RIIAD1: variants seen among roughly 807,000 people sequenced by gnomAD.
RIIAD1 encodes RIIa domain-containing protein 1.
In RIIAD1, 15 loss-of-function variants were observed where a neutral mutation model predicts 13.3. The ratio of observed to expected loss-of-function variants is 1.13; its 90% CI spans 0.76 to 1.74. RIIAD1 has a LOEUF of 1.74. RIIAD1 is among the 40% of genes most tolerant of loss of function. The pLI, the probability that RIIAD1 is intolerant of heterozygous loss-of-function variation, is 0.00. For missense variants in RIIAD1, 121 were observed against 112.2 expected, an observed-to-expected ratio of 1.08 and a Z score of -0.35; for synonymous variants, 50 against 43.3, an observed-to-expected ratio of 1.16 and a Z score of -0.61.
intron 2 of RIIAD1, among the ~76,000 whole-genome samples, chr1:151,712,350 C>A (rs1335904998): frequency 6.6e-6 from 1 of 152,206 alleles, no homozygotes; most frequent in African/African-American, 2.4e-5. Context: ...CCAAGAAGAC[C>A]TCACAGTTCT....
rs148515805 is a variant in RIIAD1, at chr1:151,725,950, A to G, written c.162-1625A>G. Among the ~76,000 whole-genome samples, 13 of 152,282 alleles carry G rather than the reference A, an allele frequency of 8.5e-5. No homozygotes were observed. The East Asian group carries it at 1.4e-3, about 16-fold the overall frequency. On this transcript the variant is annotated intron_variant, in intron 2 of 4. Transcript: ENST00000479191. ...CATTTCTGCTCATTCTGCTGACCCT[A>G]TGGAGCTCAGGCACAGATGCCTCTT...
intron 1 of RIIAD1, 133 bp downstream of exon 1, chr1:151,721,753 A>G (rs1398534256): frequency 5.6e-6 from 3 of 539,936 alleles, no homozygotes; most frequent in Non-Finnish European, 9.2e-6. Flanking sequence ...GGGAGGGCGC[A>G]GGGGAGACCC....
chr1:151,721,999 C>A, intron 1 of RIIAD1, 87 bp from the exon 2 acceptor site: 1 of 915,240 alleles, frequency 1.1e-6, no homozygotes, highest in Non-Finnish European at 1.7e-6. Flanking sequence ...TAAATGCGCA[C>A]GCCGTTTCCC....
intron 1 of RIIAD1, chr1:151,711,780 GA>G (rs984384616): frequency 2.0e-5 from 3 of 152,302 alleles, no homozygotes; most frequent in African/African-American, 7.2e-5. Context: ...AGGGTTGGGG[GA>G]TTCTTACGCT....
chr1:151,721,743 G>T (rs1673739944), intron 1 of RIIAD1, 123 bp downstream of exon 1: 2 of 560,336 alleles, frequency 3.6e-6, no homozygotes, highest in Non-Finnish European at 5.6e-6. Context: ...TGATAAAGTG[G>T]GGAGGGCGCA....
Position 151,721,666 on chromosome 1 carries a change from G to A in RIIAD1, c.84+46G>A, listed in dbSNP as rs777824580. ...ATCCAGCGTCCACCAAAGTGTAGCTGCCCCAGGACTGGGGCCCCAGACTGG... is the reference window on the plus strand; with the variant it reads ...ATCCAGCGTCCACCAAAGTGTAGCTACCCCAGGACTGGGGCCCCAGACTGG... On this transcript the variant is annotated intron_variant, in intron 1 of 4. Coordinates refer to ENST00000479191, the MANE Select transcript of RIIAD1 (RefSeq NM_001144956.3). The A allele has an allele frequency of 4.7e-5, 56 of 1,179,240 alleles. 1 individual carries two copies. In the African/African-American group the frequency reaches 8.5e-4, roughly 18 times the overall value. 73.0% of individuals were successfully genotyped at this position (1,179,240 alleles called of 1,614,324 possible). A position where few individuals can be genotyped will look rare whatever the true frequency, so the allele number is the denominator to read the frequency against.
chr1:151,713,605 C>T (rs41263702), intron 3 of RIIAD1: 54,473 of 152,012 alleles, frequency 0.36, 12,435 homozygotes, highest in Non-Finnish European at 0.52. Flanking sequence ...CCCAGGGATA[C>T]GTGTGCCCAA....
intron 1 of RIIAD1, chr1:151,721,835 T>C (rs1011817195): frequency 5.1e-6 from 3 of 583,128 alleles, no homozygotes; most frequent in Admixed American, 3.0e-5. Flanking sequence ...AAGAACTAAC[T>C]CAGGGACTCG....
chr1:151,716,032 A>G (rs1339108286), intron 4 of RIIAD1: 2 of 1,606,754 alleles, frequency 1.2e-6, no homozygotes, highest in Admixed American at 3.4e-5. Context: ...GAGGCGGCCC[A>G]GGAGGAGGGG....
intron 2 of RIIAD1, among the ~76,000 whole-genome samples, chr1:151,724,998 C>T (rs919670705): frequency 4.0e-5 from 6 of 150,534 alleles, no homozygotes; most frequent in African/African-American, 7.3e-5. Context: ...TTAGTAGAGA[C>T]GGGGTTTCAC....
chr1:151,728,912 T>C lies in RIIAD1; in HGVS notation c.*57+19T>C. 1 of 787,598 alleles carries C rather than the reference T, an allele frequency of 1.3e-6. No individual in the cohort carries two copies. Among genetic ancestry groups the C allele is most frequent in the South Asian group, 1.5e-5 (1 of 68,100 alleles). 48.8% of individuals were successfully genotyped at this position (787,598 alleles called of 1,614,324 possible). ...CCTCGGGGTGGGTGTTAACCTCACTTACAGACAGAGGCTTCTTTACTCTTG... is the reference window on the plus strand; with the variant it reads ...CCTCGGGGTGGGTGTTAACCTCACTCACAGACAGAGGCTTCTTTACTCTTG... On this transcript the variant is annotated intron_variant, in intron 4 of 4. Coordinates refer to ENST00000479191, the MANE Select transcript of RIIAD1 (RefSeq NM_001144956.3).
At chr1:151,715,711 A>G in intron 4 of RIIAD1, 1 of 1,556,606 alleles carries the variant, frequency 6.4e-7, no homozygotes, top group Non-Finnish European at 8.6e-7. Context: ...TTTCCTGATC[A>G]CTCTAGCTGA....
In RIIAD1 at chr1:151,721,585, AG is replaced by A; in HGVS notation, c.50del (p.Ser17ThrfsTer23). On this transcript the variant is annotated frameshift_variant, in exon 1 of 5. Coordinates refer to ENST00000479191, the MANE Select transcript of RIIAD1 (RefSeq NM_001144956.3). LOFTEE classifies it high-confidence loss of function. The stretch of plus-strand genomic sequence containing the variant: ...GCAGCGGCCCGACCCCGGGGCGCTT[AG>A]CGCAGCGCAGCTGGAGCAGCTGCGA... Reference protein sequence around the residue: ...LLQRPDPGALSAAQLEQLRKF... With the variant: ...LLQRPDPGALXAAQLEQLRKF... 7.6e-7 allele frequency: 1 copy of A among 1,309,158 alleles called. No homozygotes were observed. 81.1% of individuals were successfully genotyped at this position (1,309,158 alleles called of 1,614,324 possible). A position where few individuals can be genotyped will look rare whatever the true frequency, so the allele number is the denominator to read the frequency against.
intron 4 of RIIAD1, chr1:151,716,141 T>C (rs113733004): frequency 2.4e-5 from 25 of 1,057,940 alleles, no homozygotes; most frequent in Admixed American, 8.7e-5. Flanking sequence ...GCTTTCCCTT[T>C]GGCCCCCAAC....
At chr1:151,717,994 G>T (rs1673615827), upstream of RIIAD1, among the ~76,000 whole-genome samples, 5 of 151,954 alleles carry the variant, frequency 3.3e-5, no homozygotes, top group Admixed American at 3.3e-4. Flanking sequence ...GCTCAGCAAC[G>T]GGGGCTCTCC....
intron 2 of RIIAD1, 130 bp downstream of exon 2, chr1:151,722,292 T>C: frequency 1.5e-6 from 1 of 657,426 alleles, no homozygotes; most frequent in Non-Finnish European, 2.7e-6. Context: ...TAAGGATAAA[T>C]ACATACCTTA....
intron 2 of RIIAD1, among the ~76,000 whole-genome samples, chr1:151,722,748 C>G (rs934896371): frequency 6.6e-6 from 1 of 152,126 alleles, no homozygotes; most frequent in Non-Finnish European, 1.5e-5. Context: ...TGTGCTGTTC[C>G]CCTACATTAG....
At chr1:151,715,873 C>T in intron 4 of RIIAD1, 3 of 1,611,624 alleles carry the variant, frequency 1.9e-6, no homozygotes. Flanking sequence ...CCCGACCCCT[C>T]ACCCTTGTGC....
rs1264685521 is a variant in RIIAD1, at chr1:151,721,540, G to T, written c.4G>T (p.Glu2Ter). The change falls in exon 1 of 5, where the codon GAG becomes TAG. Residue 2 changes from glutamate to a stop codon, truncating the protein, a stop_gained. Transcript: ENST00000479191. LOFTEE classifies it high-confidence loss of function. Reference sequence around the variant, plus strand: ...TCGCCTTGACGACCGCAGCAAGATGGAGACGCTGCCAGGCTTGCTGCAGCG... The same window carrying T: ...TCGCCTTGACGACCGCAGCAAGATGTAGACGCTGCCAGGCTTGCTGCAGCG... M[E>*]TLPGLLQRPD... is the part of the protein sequence containing the mutation. 9.0e-6 allele frequency: 12 copies of T among 1,326,782 alleles called. No homozygotes were observed. The highest frequency in any genetic ancestry group is 1.2e-5 in the Non-Finnish European group (12 of 1,037,496). The allele number at this position is 1,326,782 out of a possible 1,614,324, so 82.2% of individuals were successfully genotyped here. A position where few individuals can be genotyped will look rare whatever the true frequency, so the allele number is the denominator to read the frequency against.
Sources: gnomAD v4.1 joint callset for allele counts (sites outside exome capture counted in the v4.1 genomes callset) on GRCh38, gnomAD v4.1.1 for gene constraint, MANE v1.5 for transcripts, NCBI Gene and HGNC (gene_info 2026-07-23, HGNC 2026-07-21) for gene names.